PTPRD: variants seen among roughly 807,000 people sequenced by gnomAD.
The protein encoded by PTPRD is protein tyrosine phosphatase receptor type D.
In PTPRD, 34 loss-of-function variants were observed where a neutral mutation model predicts 214.5. The observed-to-expected ratio is 0.16, with a 90% CI of 0.12 to 0.21. The LOEUF is 0.21. Among genes scored for constraint, PTPRD ranks in the 10% least tolerant of loss-of-function variants. PTPRD has a pLI of 1.00. For synonymous variants in PTPRD, 1,128 were observed against 845.7 expected, an observed-to-expected ratio of 1.33 and a Z score of -5.79; for missense variants, 2,545 against 2,398.7, an observed-to-expected ratio of 1.06 and a Z score of -1.27.
intron 5 of PTPRD, among the ~76,000 whole-genome samples, chr9:9,892,766 T>C (rs1283722371): frequency 6.6e-6 from 1 of 151,854 alleles, no homozygotes; most frequent in Non-Finnish European, 1.5e-5. Flanking sequence ...AATTGTGTCT[T>C]GTTCAGGGAA....
chr9:9,676,767 C>T (rs540968658), intron 7 of PTPRD, among the ~76,000 whole-genome samples: 1 of 152,116 alleles, frequency 6.6e-6, no homozygotes, highest in Non-Finnish European at 1.5e-5. Flanking sequence ...TCCTATTTCT[C>T]CACATCCTCT....
At chr9:9,425,980 G>A (rs151103716) in intron 8 of PTPRD, among the ~76,000 whole-genome samples, 3 of 152,146 alleles carry the variant, frequency 2.0e-5, no homozygotes, top group Non-Finnish European at 4.4e-5. Flanking sequence ...CCCACCATGA[G>A]AGACACAGAA....
At chr9:8,550,235 G>T (rs1475768808) in intron 14 of PTPRD, among the ~76,000 whole-genome samples, 1 of 151,998 alleles carries the variant, frequency 6.6e-6, no homozygotes, top group African/African-American at 2.4e-5. Context: ...TATAAATATT[G>T]TCATGTTCCT....
intron 10 of PTPRD, among the ~76,000 whole-genome samples, chr9:9,134,678 C>T (rs1196204742): frequency 6.6e-6 from 1 of 152,200 alleles, no homozygotes; most frequent in African/African-American, 2.4e-5. Flanking sequence ...ATGGCTGCTT[C>T]CTCTGGCTAT....
chr9:9,380,897 G>A (rs888129589), intron 9 of PTPRD, among the ~76,000 whole-genome samples: 7 of 151,926 alleles, frequency 4.6e-5, no homozygotes, highest in South Asian at 4.2e-4. Context: ...TAATTGTTAC[G>A]TCTTCTTGGA....
chr9:9,900,641 G>GTTTTTTTTTTGTTTTTTT (rs1555302234), intron 5 of PTPRD, among the ~76,000 whole-genome samples: 1 of 120,086 alleles, frequency 8.3e-6, no homozygotes, highest in African/African-American at 3.1e-5. Context: ...ACATTTTCAG[G>GTTTTTTTTTTGTTTTTTT]TTTTTTTTTT....
At chr9:10,216,781 A>G (rs182770771) in intron 3 of PTPRD, among the ~76,000 whole-genome samples, 1 of 152,164 alleles carries the variant, frequency 6.6e-6, no homozygotes, top group East Asian at 1.9e-4. Flanking sequence ...AAAAGCAGTG[A>G]TTTGACATGC....
At chr9:8,881,497 C>G (rs1422081220) in intron 11 of PTPRD, among the ~76,000 whole-genome samples, 2 of 152,280 alleles carry the variant, frequency 1.3e-5, no homozygotes, top group Non-Finnish European at 2.9e-5. Context: ...ACAGTTAGTT[C>G]TTTCTGTAAT....
chr9:9,759,079 G>T (rs1237150994), intron 6 of PTPRD, among the ~76,000 whole-genome samples: 1 of 152,048 alleles, frequency 6.6e-6, no homozygotes, highest in East Asian at 1.9e-4. Context: ...CAATTTTGAT[G>T]ATTTCCGTAG....
At chr9:9,486,639 C>T (rs957473068) in intron 8 of PTPRD, among the ~76,000 whole-genome samples, 2 of 151,958 alleles carry the variant, frequency 1.3e-5, no homozygotes, top group East Asian at 3.9e-4. Context: ...AACCATATTC[C>T]GTCTACAAAC....
intron 34 of PTPRD, among the ~76,000 whole-genome samples, chr9:8,444,353 G>C (rs940052455): frequency 1.3e-5 from 2 of 152,036 alleles, no homozygotes; most frequent in African/African-American, 2.4e-5. Flanking sequence ...AGCAAATTGT[G>C]TGTGTATACA....
intron 12 of PTPRD, among the ~76,000 whole-genome samples, chr9:8,666,750 C>A (rs2154359622): frequency 6.6e-6 from 1 of 152,248 alleles, no homozygotes; most frequent in East Asian, 1.9e-4. Flanking sequence ...TAATGAATGT[C>A]CTGTGAGTTT....
intron 8 of PTPRD, among the ~76,000 whole-genome samples, chr9:9,525,915 A>C (rs1387345987): frequency 6.6e-6 from 1 of 152,146 alleles, no homozygotes; most frequent in Non-Finnish European, 1.5e-5. Context: ...GTCAACATAA[A>C]AAACATTGCC....
chr9:8,715,577 A>ACCAC (rs1213252178), intron 12 of PTPRD, among the ~76,000 whole-genome samples: 2 of 152,188 alleles, frequency 1.3e-5, no homozygotes, highest in African/African-American at 4.8e-5. Context: ...TTTAAAAACC[A>ACCAC]ATGCTCTTCC....
chr9:8,524,584 A>T (rs943802192), intron 18 of PTPRD, among the ~76,000 whole-genome samples: 2 of 152,184 alleles, frequency 1.3e-5, no homozygotes, highest in African/African-American at 4.8e-5. Context: ...ATAAGGAAAC[A>T]GAAGAGAAAC....
chr9:10,297,801 T>G (rs1198124125), intron 3 of PTPRD, among the ~76,000 whole-genome samples: 1 of 152,106 alleles, frequency 6.6e-6, no homozygotes, highest in African/African-American at 2.4e-5. Context: ...TTTGGTACAG[T>G]AAGTATCTGC....
intron 7 of PTPRD, among the ~76,000 whole-genome samples, chr9:9,674,236 G>C (rs2096886620): frequency 6.6e-6 from 1 of 151,740 alleles, no homozygotes; most frequent in African/African-American, 2.4e-5. Context: ...AGGTATTTTA[G>C]GTATTGATAC....
chr9:10,509,074 T>G (rs1212142271), intron 2 of PTPRD, among the ~76,000 whole-genome samples: 3 of 152,112 alleles, frequency 2.0e-5, no homozygotes, highest in African/African-American at 7.2e-5. Context: ...AATTTATTAT[T>G]TTTTCCTTTG....
chr9:10,090,957 CACAT>C (rs35090623), intron 3 of PTPRD, among the ~76,000 whole-genome samples: 5,233 of 142,520 alleles, frequency 0.037, 261 homozygotes, highest in African/African-American at 0.1. Flanking sequence ...CACACACACA[CACAT>C]GCATGTGGTA....
Sources: gnomAD v4.1 joint callset for allele counts (sites outside exome capture counted in the v4.1 genomes callset) on GRCh38, gnomAD v4.1.1 for gene constraint, MANE v1.5 for transcripts, NCBI Gene and HGNC (gene_info 2026-07-23, HGNC 2026-07-21) for gene names.